Variants in LAMA2 observed in about 807,000 individuals in gnomAD.
LAMA2 encodes the protein laminin subunit alpha 2.
LAMA2 carries 269 observed loss-of-function variants against 364.8 expected under a neutral mutation model. The ratio of observed to expected loss-of-function variants is 0.74; its 90% CI spans 0.67 to 0.82. LAMA2 has a LOEUF of 0.82. Among genes scored for constraint, LAMA2 ranks in the 40% least tolerant of loss-of-function variants. The probability of loss-of-function intolerance (pLI) is 0.00; values close to 1 mark genes in which losing one functional copy is unlikely to be tolerated. For synonymous variants in LAMA2, 1,379 were observed against 1,370.6 expected (o/e 1.01, Z -0.14); for missense variants, 3,807 against 3,873.2 (o/e 0.98, Z 0.45).
intron 1 of LAMA2, among the ~76,000 whole-genome samples, chr6:128,987,634 A>G (rs567990535): frequency 6.6e-6 from 1 of 152,184 alleles, no homozygotes; most frequent in South Asian, 2.1e-4. Context: ...CTTTGTGGGG[A>G]TATGTCTGGT....
chr6:129,515,438 T>C (rs181382109), intron 64 of LAMA2, among the ~76,000 whole-genome samples: 1 of 152,308 alleles, frequency 6.6e-6, no homozygotes, highest in East Asian at 1.9e-4. Flanking sequence ...TTCCAAGATA[T>C]TATGAAGGAG....
At chr6:129,040,993 T>C (rs1297025446) in intron 1 of LAMA2, among the ~76,000 whole-genome samples, 1 of 152,210 alleles carries the variant, frequency 6.6e-6, no homozygotes, top group Non-Finnish European at 1.5e-5. Flanking sequence ...TGAAACACAG[T>C]AGATCTTTAA....
At chr6:129,363,301 C>T (rs1179056204) in intron 32 of LAMA2, among the ~76,000 whole-genome samples, 1 of 152,060 alleles carries the variant, frequency 6.6e-6, no homozygotes, top group African/African-American at 2.4e-5. Context: ...AAGACCCTGT[C>T]TCAGAAAAAA....
chr6:129,320,582 C>G lies in LAMA2; in HGVS notation c.4103C>G (p.Thr1368Arg). 2 of 1,613,546 alleles carry G rather than the reference C, an allele frequency of 1.2e-6. No homozygotes were observed. Among genetic ancestry groups the G allele is most frequent in the Non-Finnish European group, 1.7e-6 (2 of 1,179,554 alleles). ...GAGGTAGCTGAACAAGGACGTGGAACAACAATGACTCCTCCAGCTGACTTG... is the reference window on the plus strand; with the variant it reads ...GAGGTAGCTGAACAAGGACGTGGAAGAACAATGACTCCTCCAGCTGACTTG... ...SMEVAEQGRG[T>R]TMTPPADLIE... The change falls in exon 28 of 65, where the codon ACA becomes AGA. Residue 1368 changes from threonine (T) to arginine (R), a missense_variant. By Grantham distance (71) the Thr-to-Arg change is moderately conservative (BLOSUM62 -1). This residue lies in a region of LAMA2 where 3,333 missense variants were observed against 3,345.7 expected (regional missense o/e 1.00). Coordinates refer to ENST00000421865, the MANE Select transcript of LAMA2 (RefSeq NM_000426.4).
rs2114450895 is a variant in LAMA2, at chr6:129,297,693, C to T, written c.2865C>T (p.Thr955=). 6.2e-7 allele frequency: 1 copy of T among 1,613,726 alleles called. No homozygotes were observed. The stretch of plus-strand genomic sequence containing the variant: ...TCCTCTTCCATTGCCAGGCTGGGAC[C>T]TTTGGCCTACAATCAGCAAGGGGCT... ...GQRCDKCKAG[T]FGLQSARGCV... is the part of the protein sequence containing the mutation. The change falls in exon 21 of 65, where the codon ACC becomes ACT. Residue 955 remains threonine, a synonymous_variant. Transcript: ENST00000421865.
chr6:128,933,732 A>C (rs563138648), intron 1 of LAMA2, among the ~76,000 whole-genome samples: 76 of 152,198 alleles, frequency 5.0e-4, no homozygotes, highest in African/African-American at 1.7e-3. Flanking sequence ...TTTTGGAAAC[A>C]TGTCTATTTT....
intron 1 of LAMA2, chr6:128,929,725 C>A (rs1582702732): frequency 1.5e-6 from 2 of 1,350,164 alleles, no homozygotes; most frequent in East Asian, 4.6e-5. Context: ...GTCAGACCTT[C>A]CCAATTCTTG....
chr6:128,921,713 T>TTTTTTTTTTTAA (rs1328311348), intron 1 of LAMA2, among the ~76,000 whole-genome samples: 1 of 144,834 alleles, frequency 6.9e-6, no homozygotes, highest in African/African-American at 2.6e-5. Flanking sequence ...TTTTTTTTTT[T>TTTTTTTTTTTAA]ATTATTATTA....
intron 17 of LAMA2, among the ~76,000 whole-genome samples, chr6:129,274,496 T>G (rs938492313): frequency 3.3e-5 from 5 of 151,988 alleles, no homozygotes; most frequent in African/African-American, 9.7e-5. Flanking sequence ...ACCTTGGTGA[T>G]TTATCTATTT....
chr6:129,407,763 C>T (rs899065671), intron 40 of LAMA2, among the ~76,000 whole-genome samples: 1 of 152,198 alleles, frequency 6.6e-6, no homozygotes, highest in Non-Finnish European at 1.5e-5. Flanking sequence ...GTAGTCCTGT[C>T]TGGATTGGGT....
intron 35 of LAMA2, among the ~76,000 whole-genome samples, chr6:129,388,251 A>G (rs770970220): frequency 5.4e-4 from 60 of 111,252 alleles, no homozygotes; most frequent in Non-Finnish European, 1.1e-3. Context: ...GCAAGACTCC[A>G]TCTCAAAAAA....
chr6:129,300,272 T>C (rs1478802152), intron 21 of LAMA2, among the ~76,000 whole-genome samples: 2 of 152,208 alleles, frequency 1.3e-5, no homozygotes, highest in African/African-American at 2.4e-5. Context: ...ATATACATGA[T>C]GTACCGAATT....
At chr6:129,383,364 G>T in intron 35 of LAMA2, 131 bp downstream of exon 35, 1 of 777,694 alleles carries the variant, frequency 1.3e-6, no homozygotes, top group South Asian at 1.5e-5. Context: ...TCAAAAAGTA[G>T]TGTGGTTAAG....
intron 15 of LAMA2, among the ~76,000 whole-genome samples, chr6:129,265,674 A>G (rs1787455098): frequency 2.0e-5 from 3 of 149,550 alleles, no homozygotes; most frequent in South Asian, 4.4e-4. Flanking sequence ...ATGAGAACAC[A>G]TGGACACAGG....
intron 1 of LAMA2, among the ~76,000 whole-genome samples, chr6:129,032,338 G>A (rs1244454405): frequency 1.3e-5 from 2 of 152,186 alleles, no homozygotes; most frequent in Admixed American, 6.5e-5. Context: ...ATTAGGGGCT[G>A]TAATGAAGGA....
chr6:129,125,610 CT>C (rs1265935931), intron 4 of LAMA2, among the ~76,000 whole-genome samples: 6 of 152,114 alleles, frequency 3.9e-5, no homozygotes, highest in Non-Finnish European at 7.4e-5. Context: ...GTGCTTAGAC[CT>C]TGATGTGATG....
intron 12 of LAMA2, among the ~76,000 whole-genome samples, chr6:129,222,513 C>T (rs372680864): frequency 3.5e-5 from 4 of 114,190 alleles, no homozygotes; most frequent in East Asian, 3.3e-4. Flanking sequence ...CTACGACAGG[C>T]CCCGGTGTGT....
chr6:129,190,078 T>C, intron 10 of LAMA2, 127 bp from the exon 11 acceptor site: 1 of 930,074 alleles, frequency 1.1e-6, no homozygotes, highest in Non-Finnish European at 1.7e-6. Flanking sequence ...AAAATATCAT[T>C]ATACGTTAAA....
At chr6:129,104,168 A>T (rs1775685996) in intron 4 of LAMA2, among the ~76,000 whole-genome samples, 1 of 152,038 alleles carries the variant, frequency 6.6e-6, no homozygotes, top group South Asian at 2.1e-4. Context: ...CTAATTTTTT[A>T]AAATTTTTTT....
Sources: allele counts gnomAD v4.1 joint callset (sites outside exome capture counted in the v4.1 genomes callset), GRCh38; gene constraint gnomAD v4.1.1; regional missense constraint gnomAD v4.1.1; transcripts MANE v1.5; gene names NCBI Gene and HGNC (gene_info 2026-07-23, HGNC 2026-07-21).